The following PLA2G4F variants were observed in gnomAD, a reference collection of about 807,000 sequenced individuals.
PLA2G4F encodes cytosolic phospholipase A2 zeta.
In PLA2G4F, 105 loss-of-function variants were observed where a neutral mutation model predicts 103.1. The observed-to-expected ratio is 1.02, with a 90% CI of 0.87 to 1.20. PLA2G4F has a LOEUF of 1.20. Ranked by LOEUF, PLA2G4F falls within the 50% of genes most tolerant of loss-of-function variation. The pLI, the probability that PLA2G4F is intolerant of heterozygous loss-of-function variation, is 0.00. For missense variants in PLA2G4F, 1,155 were observed against 1,075.9 expected (o/e 1.07, Z -1.03); for synonymous variants, 468 against 441.1 (o/e 1.06, Z -0.76).
intron 18 of PLA2G4F, among the ~76,000 whole-genome samples, chr15:42,143,046 G>A (rs531743175): frequency 1.6e-4 from 24 of 151,946 alleles, no homozygotes; most frequent in Non-Finnish European, 2.6e-4. Flanking sequence ...GGGCATGGTG[G>A]TGTGTGCCTA....
At chr15:42,151,787 A>G (rs2048964902) in intron 7 of PLA2G4F, 1 of 546,208 alleles carries the variant, frequency 1.8e-6, no homozygotes, top group Non-Finnish European at 2.3e-6. Flanking sequence ...AGTGTCACCG[A>G]CCTGGGTTTG....
intron 9 of PLA2G4F, 86 bp from the exon 10 acceptor site, chr15:42,150,227 C>T (rs2048941580): frequency 1.3e-6 from 2 of 1,583,826 alleles, no homozygotes; most frequent in African/African-American, 1.4e-5. Flanking sequence ...CCCTTGCTGC[C>T]CTGCGATCTC....
At chr15:42,153,594 A>C (rs752150824) in intron 5 of PLA2G4F, 26 bp downstream of exon 5, 4 of 1,613,670 alleles carry the variant, frequency 2.5e-6, no homozygotes, top group Non-Finnish European at 3.4e-6. Context: ...TGAGTCTCTG[A>C]GGGCGTTGGC....
intron 1 of PLA2G4F, among the ~76,000 whole-genome samples, chr15:42,156,058 G>T (rs976125611): frequency 2.6e-5 from 4 of 152,100 alleles, no homozygotes; most frequent in African/African-American, 9.7e-5. Flanking sequence ...GTCACCGGCC[G>T]GCCGGTACCG....
At position 42,147,235 on chromosome 15, in the gene PLA2G4F, C is replaced by A. The variant is rs145292197; in HGVS notation, c.1308G>T (p.Thr436=). The A allele has an allele frequency of 1.7e-3, 2,751 of 1,612,746 alleles. 6 individuals are homozygous for A. The highest frequency in any genetic ancestry group is 2.1e-3 in the Non-Finnish European group (2,423 of 1,179,992). Residue 436 remains threonine (T), a synonymous_variant, in exon 13 of 20, where the codon ACG becomes ACT. Transcript: ENST00000397272. The stretch of plus-strand genomic sequence containing the variant: ...CCTGAGTGTAGTACTGTAGCCGCTC[C>A]GTGGACAAAGCTCCCATCTTACTGC... The part of the protein sequence containing the change: ...VCSSKMGALS[T]ERLQYYTQEL...
chr15:42,150,748 C>T lies in PLA2G4F; in HGVS notation c.631G>A (p.Gly211Arg). ...GSRQLQLAVP[G>R]AYEKPQLLPL... is the part of the protein sequence containing the mutation. ...AAGAGCTGTGGCTTCTCGTAGGCTC[C>T]AGGCACTGCCAGCTGGAGCTGCCTA... The change falls in exon 8 of 20, where the codon GGA becomes AGA. Residue 211 changes from glycine to arginine, a missense_variant. By Grantham distance (125) the Gly-to-Arg change is moderately radical. This residue lies in a region of PLA2G4F where 370 missense variants were observed against 364.9 expected (regional missense o/e 1.01). Coordinates refer to ENST00000397272, the MANE Select transcript of PLA2G4F (RefSeq NM_213600.4). 2 of 1,609,752 alleles carry T rather than the reference C, an allele frequency of 1.2e-6. No individual in the cohort carries two copies. The highest frequency in any genetic ancestry group is 1.7e-6 in the Non-Finnish European group (2 of 1,178,720).
Position 42,141,212 on chromosome 15 carries a change from A to G in PLA2G4F, c.*772T>C. The G allele has an allele frequency of 2.2e-6, 1 of 456,618 alleles. No individual in the cohort carries two copies. Among genetic ancestry groups the G allele is most frequent in the Non-Finnish European group, 4.4e-6 (1 of 226,934 alleles). The allele number at this position is 456,618 out of a possible 1,614,324, so 28.3% of individuals were successfully genotyped here. A position where few individuals can be genotyped will look rare whatever the true frequency, so the allele number is the denominator to read the frequency against. ...AGACACACCCATTTAGCTCCTAGGAATGGTGAGACTATATTTGCATGATGT... is the reference window on the plus strand; with the variant it reads ...AGACACACCCATTTAGCTCCTAGGAGTGGTGAGACTATATTTGCATGATGT... On this transcript the variant is annotated 3_prime_UTR_variant, in exon 20 of 20. Coordinates refer to ENST00000397272, the MANE Select transcript of PLA2G4F (RefSeq NM_213600.4).
chr15:42,147,289 G>A lies in PLA2G4F; in HGVS notation c.1254C>T (p.Pro418=), dbSNP rs1036678929. 3 of 1,610,814 alleles carry A rather than the reference G, an allele frequency of 1.9e-6. No individual in the cohort carries two copies. The highest frequency in any genetic ancestry group is 2.5e-6 in the Non-Finnish European group (3 of 1,179,986). Reference sequence around the variant, plus strand: ...AGACGTGAACCTGGGCACGCTCAATGGGGCCCTGCAAGGCCACCTGGGACC... The same window carrying A: ...AGACGTGAACCTGGGCACGCTCAATAGGGCCCTGCAAGGCCACCTGGGACC... The part of the protein sequence containing the change: ...PAWSQVALQG[P]IERAQVHVCS... The change falls in exon 13 of 20, where the codon CCC becomes CCT. Residue 418 remains proline (P), a synonymous_variant. Coordinates refer to ENST00000397272, the MANE Select transcript of PLA2G4F (RefSeq NM_213600.4).
chr15:42,145,809 T>C lies in PLA2G4F; in HGVS notation c.1629A>G (p.Arg543=), dbSNP rs1172875201. 1 of 1,614,090 alleles carries C rather than the reference T, an allele frequency of 6.2e-7. No homozygotes were observed. The highest frequency in any genetic ancestry group is 1.1e-5 in the South Asian group (1 of 91,084). The change falls in exon 15 of 20, where the codon CGA becomes CGG. Residue 543 remains arginine (R), a synonymous_variant. Transcript: ENST00000397272. ...ELFGSELFMG[R]LLQLQPEPRI... Reference sequence around the variant, plus strand: ...GGGGTTCAGGCTGGAGCTGCAGCAATCGTCCCATGAAGAGTTCTGAGCCGA... The same window carrying C: ...GGGGTTCAGGCTGGAGCTGCAGCAACCGTCCCATGAAGAGTTCTGAGCCGA...
chr15:42,146,309 G>A (rs1036345544), intron 13 of PLA2G4F, 68 bp from the exon 14 acceptor site: 2 of 1,459,292 alleles, frequency 1.4e-6, no homozygotes, highest in Admixed American at 3.4e-5. Flanking sequence ...GTGGCCTGGG[G>A]CCGGCACCCT....
At chr15:42,153,076 A>G (rs2048975979) in intron 6 of PLA2G4F, among the ~76,000 whole-genome samples, 1 of 152,336 alleles carries the variant, frequency 6.6e-6, no homozygotes, top group Non-Finnish European at 1.5e-5. Flanking sequence ...CAGAGGCCCA[A>G]GTGAGTAACG....
chr15:42,155,582 G>T lies in PLA2G4F; in HGVS notation c.119C>A (p.Thr40Asn). The change falls in exon 2 of 20, where the codon ACC (threonine) becomes AAC (asparagine). Residue 40 changes from threonine to asparagine, a missense_variant. Transcript: ENST00000397272. ...GPLWRHWRRE[T>N]YPYYDLQVKV... ...CACCTGGAGGTCATAGTATGGGTAG[G>T]TTTCCCGCTGCAATAACAGAACTCC... 1.9e-6 allele frequency: 3 copies of T among 1,614,018 alleles called. No individual in the cohort carries two copies. The highest frequency in any genetic ancestry group is 8.5e-7 in the Non-Finnish European group (1 of 1,179,894).
In PLA2G4F at chr15:42,144,005, A is replaced by T. The variant is rs542153561; in HGVS notation, c.2115T>A (p.Phe705Leu). The T allele has an allele frequency of 3.7e-6, 6 of 1,612,606 alleles. No individual in the cohort carries two copies. In the East Asian group the frequency reaches 1.1e-4, roughly 30 times the overall value. ...CAAAAGGGGCTTCCAAGGAATAGTC[A>T]AAGGACAGAATGAGGTCCACTGCTC... ...PQRAVDLILS[F>L]DYSLEAPFEV... The change falls in exon 18 of 20, where the codon TTT (phenylalanine) becomes TTA (leucine). Residue 705 changes from phenylalanine (F) to leucine (L), a missense_variant. Transcript: ENST00000397272.
Position 42,154,143 on chromosome 15 carries a change from T to C in PLA2G4F, c.399A>G (p.Arg133=), listed in dbSNP as rs564240470. 3.2e-5 allele frequency: 51 copies of C among 1,614,190 alleles called. No individual in the cohort carries two copies. The South Asian group carries it at 5.4e-4, about 17-fold the overall frequency. Residue 133 remains arginine, a synonymous_variant, in exon 4 of 20, where the codon AGA becomes AGG. Coordinates refer to ENST00000397272, the MANE Select transcript of PLA2G4F (RefSeq NM_213600.4). Reference sequence around the variant, plus strand: ...TGTGAGGTTGGCCACACTTGAGGCTTCTCAGGTCAAACAGGAGCAGAGAGA... The same window carrying C: ...TGTGAGGTTGGCCACACTTGAGGCTCCTCAGGTCAAACAGGAGCAGAGAGA... ...DQLSLLLFDL[R]SLKCGQPHKH...
chr15:42,142,477 T>C (rs1166696312), intron 19 of PLA2G4F, 51 bp downstream of exon 19: 3 of 1,543,546 alleles, frequency 1.9e-6, no homozygotes, highest in Admixed American at 1.9e-5. Context: ...CAGCGTCCCA[T>C]CACCATCCCA....
intron 18 of PLA2G4F, among the ~76,000 whole-genome samples, chr15:42,142,917 A>G (rs967393174): frequency 6.6e-6 from 1 of 152,094 alleles, no homozygotes; most frequent in Non-Finnish European, 1.5e-5. Flanking sequence ...ATGGTGGCTC[A>G]TGCCTGTAAT....
chr15:42,153,338 C>T lies in PLA2G4F; in HGVS notation c.496G>A (p.Val166Met). 6.2e-7 allele frequency: 1 copy of T among 1,613,954 alleles called. No individual in the cohort carries two copies. Among genetic ancestry groups the T allele is most frequent in the Non-Finnish European group, 8.5e-7 (1 of 1,179,800 alleles). Residue 166 changes from valine to methionine, a missense_variant, in exon 6 of 20, where the codon GTG becomes ATG. By Grantham distance (21) the Val-to-Met change is conservative. This residue lies in a region of PLA2G4F where 370 missense variants were observed against 364.9 expected (regional missense o/e 1.01). Transcript: ENST00000397272. ...TTGGTGATGACTTCAGATGCAGGCA[C>T]CTGGCTGCAAAGGATGAGGAATACA... ...QVEFVLEKSQ[V>M]PASEVITNGV...
rs373574653 is a variant in PLA2G4F at position 42,149,709 on chromosome 15, G to A, written c.1059+4C>T. On this transcript the variant is annotated splice_donor_region_variant and intron_variant, in intron 11 of 19. Coordinates refer to ENST00000397272, the MANE Select transcript of PLA2G4F (RefSeq NM_213600.4). ...TGGGGTCCAGCTCCTCCTCCATTACGTACCTGGCCACTGTCCAGAGCCTCA... is the reference window on the plus strand; with the variant it reads ...TGGGGTCCAGCTCCTCCTCCATTACATACCTGGCCACTGTCCAGAGCCTCA... 73 of 1,614,038 alleles carry A rather than the reference G, an allele frequency of 4.5e-5. No individual in the cohort carries two copies. In the African/African-American group the frequency reaches 6.4e-4, roughly 14 times the overall value.
intron 7 of PLA2G4F, among the ~76,000 whole-genome samples, chr15:42,152,017 A>C (rs2048966338): frequency 6.6e-6 from 1 of 152,226 alleles, no homozygotes; most frequent in African/African-American, 2.4e-5. Flanking sequence ...CAGCACTGGA[A>C]GGGGCCTTTG....
Sources: gnomAD v4.1 joint callset for allele counts (sites outside exome capture counted in the v4.1 genomes callset) on GRCh38, gnomAD v4.1.1 for gene constraint, gnomAD v4.1.1 regional missense constraint, MANE v1.5 for transcripts, NCBI Gene and HGNC (gene_info 2026-07-23, HGNC 2026-07-21) for gene names.